Variants in ME3 observed in about 807,000 individuals in gnomAD.
ME3 encodes the protein malic enzyme 3.
ME3 carries 48 observed loss-of-function variants against 68.9 expected under a neutral mutation model. That is an observed-to-expected ratio of 0.70 (90% CI 0.55 to 0.89). The LOEUF (loss-of-function observed/expected upper bound fraction) is 0.89, where lower values mean the gene tolerates loss of function less well. ME3 is among the 40% of genes least tolerant of loss of function. The pLI, the probability that ME3 is intolerant of heterozygous loss-of-function variation, is 0.00. For missense variants in ME3, 675 were observed against 797.4 expected (o/e 0.85, Z 1.85); for synonymous variants, 320 against 318.8 (o/e 1.00, Z -0.04).
intron 2 of ME3, among the ~76,000 whole-genome samples, chr11:86,646,517 TAACA>T (rs1945024723): frequency 1.3e-5 from 2 of 152,036 alleles, no homozygotes; most frequent in South Asian, 4.2e-4. Flanking sequence ...GAATGAAAAG[TAACA>T]AACAAAGCCT....
At chr11:86,576,771 C>A (rs920180845) in intron 2 of ME3, among the ~76,000 whole-genome samples, 6 of 152,166 alleles carry the variant, frequency 3.9e-5, no homozygotes, top group African/African-American at 7.2e-5. Flanking sequence ...TGTGCTTCTT[C>A]CTGGTAGACC....
chr11:86,672,064 G>A (rs1946988730), intron 1 of ME3, 106 bp from the exon 2 acceptor site: 3 of 932,030 alleles, frequency 3.2e-6, no homozygotes, highest in Admixed American at 4.3e-5. Flanking sequence ...TCTGGGAGAG[G>A]GCAGGTGCTC....
At chr11:86,603,757 A>G (rs1229514744) in intron 2 of ME3, among the ~76,000 whole-genome samples, 1 of 151,986 alleles carries the variant, frequency 6.6e-6, no homozygotes, top group Non-Finnish European at 1.5e-5. Flanking sequence ...ATGGAATACT[A>G]TGCAGCCATA....
intron 2 of ME3, among the ~76,000 whole-genome samples, chr11:86,601,589 C>A (rs1333406134): frequency 2.0e-5 from 3 of 151,968 alleles, no homozygotes; most frequent in Admixed American, 2.0e-4. Flanking sequence ...GAGAATCCTC[C>A]CTAACTCATT....
chr11:86,588,887 G>A (rs1409677900), intron 2 of ME3, among the ~76,000 whole-genome samples: 1 of 152,212 alleles, frequency 6.6e-6, no homozygotes, highest in Non-Finnish European at 1.5e-5. Context: ...GTTGTGCTGA[G>A]GGGCTGGCCC....
intron 4 of ME3, among the ~76,000 whole-genome samples, chr11:86,535,315 C>T (rs2139304295): frequency 6.6e-6 from 1 of 152,282 alleles, no homozygotes; most frequent in African/African-American, 2.4e-5. Flanking sequence ...TCTATGTCGT[C>T]CACTTGGCTG....
rs538303821 is a variant in ME3 at position 86,483,304 on chromosome 11, G to T, written c.809+4033C>A. Reference sequence around the variant, plus strand: ...GAAGTGACACAGAGAATGAATGCTGGAGCAAGCGGGGTTGGCTCTGGAAGG... The same window carrying T: ...GAAGTGACACAGAGAATGAATGCTGTAGCAAGCGGGGTTGGCTCTGGAAGG... On this transcript the variant is annotated intron_variant, in intron 7 of 14. Coordinates refer to ENST00000543262, the Ensembl canonical transcript of ME3. 1.7e-3 allele frequency among the ~76,000 whole-genome samples: 264 copies of T among 152,296 alleles called. 3 individuals carry two copies. Among genetic ancestry groups the T allele is most frequent in the Admixed American group, 2.6e-3 (39 of 15,292 alleles).
chr11:86,536,104 T>C (rs1249599688), intron 4 of ME3, among the ~76,000 whole-genome samples: 1 of 152,162 alleles, frequency 6.6e-6, no homozygotes, highest in African/African-American at 2.4e-5. Flanking sequence ...ATTTCCTGAA[T>C]TGTCTATTTC....
At chr11:86,466,392 G>A (rs1950482717) in intron 7 of ME3, among the ~76,000 whole-genome samples, 1 of 152,220 alleles carries the variant, frequency 6.6e-6, no homozygotes, top group Non-Finnish European at 1.5e-5. Context: ...GAGAAAAAAT[G>A]TCCTGATTGA....
intron 2 of ME3, among the ~76,000 whole-genome samples, chr11:86,660,656 C>A (rs1308364993): frequency 6.6e-6 from 1 of 152,132 alleles, no homozygotes; most frequent in East Asian, 1.9e-4. Context: ...GGGTGTCACA[C>A]AAAATTGATT....
At chr11:86,453,823 T>A (rs1949770897) in intron 8 of ME3, among the ~76,000 whole-genome samples, 1 of 152,230 alleles carries the variant, frequency 6.6e-6, no homozygotes, top group South Asian at 2.1e-4. Context: ...TGGCTGTCAC[T>A]GAGAGAACTA....
intron 8 of ME3, among the ~76,000 whole-genome samples, chr11:86,454,053 T>C (rs918489504): frequency 8.5e-5 from 13 of 152,302 alleles, no homozygotes; most frequent in Non-Finnish European, 1.5e-4. Flanking sequence ...GTAATCACAA[T>C]CAGCAACACT....
At chr11:86,451,037 G>A (rs969383823) in intron 8 of ME3, among the ~76,000 whole-genome samples, 10 of 152,222 alleles carry the variant, frequency 6.6e-5, no homozygotes, top group African/African-American at 2.2e-4. Flanking sequence ...ACTTGGGCTT[G>A]GTTTACAAGT....
intron 2 of ME3, among the ~76,000 whole-genome samples, chr11:86,666,719 A>C (rs1946609169): frequency 6.6e-6 from 1 of 152,212 alleles, no homozygotes; most frequent in South Asian, 2.1e-4. Flanking sequence ...TTTACACAAT[A>C]ATCCACTGTT....
rs557063378 is a variant in ME3 at position 86,604,565 on chromosome 11, A to C, written c.184-44742T>G. Among the ~76,000 whole-genome samples the C allele has an allele frequency of 9.7e-4, 147 of 152,252 alleles. 3 individuals are homozygous for C. Among genetic ancestry groups the C allele is most frequent in the Non-Finnish European group, 9.4e-4 (64 of 68,048 alleles). On this transcript the variant is annotated intron_variant, in intron 2 of 14. Coordinates refer to ENST00000543262, the Ensembl canonical transcript of ME3. ...GATAAAGGTAGAGAATTTATAAATG[A>C]AATACAGTAAACATAAATAAGCATA...
In ME3 at chr11:86,487,336, CT is replaced by C; in HGVS notation, c.809del (p.Lys270SerfsTer4). 1 of 1,613,592 alleles carries C rather than the reference CT, an allele frequency of 6.2e-7. No homozygotes were observed. The highest frequency in any genetic ancestry group is 8.5e-7 in the Non-Finnish European group (1 of 1,179,474). On this transcript the variant is annotated frameshift_variant and splice_region_variant, in exon 7 of 15. Transcript: ENST00000543262. LOFTEE classifies it high-confidence loss of function. Reference sequence around the variant, plus strand: ...CAAAAGGGACAGACTGGTCCACTTACTTGTCTGTCACAGCCTGCATGAACTC... The same window carrying C: ...CAAAAGGGACAGACTGGTCCACTTACTGTCTGTCACAGCCTGCATGAACTC...
chr11:86,530,598 A>C (rs1216976884), intron 4 of ME3, among the ~76,000 whole-genome samples: 1 of 152,252 alleles, frequency 6.6e-6, no homozygotes, highest in Non-Finnish European at 1.5e-5. Flanking sequence ...ACTTCAAACT[A>C]TACTACAAGG....
At chr11:86,656,303 T>G (rs1945865770) in intron 2 of ME3, among the ~76,000 whole-genome samples, 1 of 151,982 alleles carries the variant, frequency 6.6e-6, no homozygotes, top group South Asian at 2.1e-4. Flanking sequence ...TGCACACATA[T>G]GTTTATTGTG....
intron 2 of ME3, among the ~76,000 whole-genome samples, chr11:86,632,955 G>A (rs1478466101): frequency 2.6e-5 from 4 of 152,182 alleles, no homozygotes; most frequent in African/African-American, 9.7e-5. Context: ...ACCACAGCTG[G>A]ATGGCAGCAC....
Sources: gnomAD v4.1 joint callset for allele counts (sites outside exome capture counted in the v4.1 genomes callset) on GRCh38, gnomAD v4.1.1 for gene constraint, MANE v1.5 for transcripts, NCBI Gene and HGNC (gene_info 2026-07-23, HGNC 2026-07-21) for gene names.